The following ATP8B1 variants were observed in gnomAD, a reference collection of about 807,000 sequenced individuals.
ATP8B1 encodes the protein ATPase phospholipid transporting 8B1.
In ATP8B1, 80 loss-of-function variants were observed where a neutral mutation model predicts 149.9. That is an observed-to-expected ratio of 0.53 (90% CI 0.45 to 0.64). The LOEUF is 0.64. Ranked by LOEUF, ATP8B1 falls within the 30% of genes least tolerant of loss-of-function variation. ATP8B1 has a pLI of 0.00. For missense variants in ATP8B1, 1,247 were observed against 1,552.6 expected (o/e 0.80, Z 3.31); for synonymous variants, 536 against 562.8 (o/e 0.95, Z 0.67).
chr18:57,709,992 CTTTTCT>C (rs1315691368), intron 2 of ATP8B1, among the ~76,000 whole-genome samples: 3 of 144,226 alleles, frequency 2.1e-5, no homozygotes, highest in Non-Finnish European at 3.0e-5. Flanking sequence ...TTTTTCTTTT[CTTTTCT>C]TTTTTTTTTT....
intron 1 of ATP8B1, among the ~76,000 whole-genome samples, chr18:57,753,949 G>GAAAAAAAAAAAAAAAAAAAAAA (rs1165856929): frequency 1.1e-5 from 1 of 93,092 alleles, no homozygotes; most frequent in Non-Finnish European, 1.9e-5. Flanking sequence ...AAAAAAAAAA[G>GAAAAAAAAAAAAAAAAAAAAAA]AAAGAAAGAA....
chr18:57,668,262 G>A, intron 19 of ATP8B1, 167 bp downstream of exon 19: 3 of 1,380,222 alleles, frequency 2.2e-6, no homozygotes, highest in South Asian at 1.3e-5. Flanking sequence ...GGATGCAGAA[G>A]AATGTGCTGG....
In ATP8B1 at chr18:57,784,013, A is replaced by G. The variant is rs1378944078; in HGVS notation, c.-26+18985T>C. Among the ~76,000 whole-genome samples the G allele has an allele frequency of 6.6e-6, 1 of 152,130 alleles. No homozygotes were observed. The highest frequency in any genetic ancestry group is 1.5e-5 in the Non-Finnish European group (1 of 68,020). ...GAAAAAGAAAGAGTGAGCAGAGGAC[A>G]TAACTCAGGAGGGACTCCTACTTTA... On this transcript the variant is annotated intron_variant, in intron 1 of 27. Coordinates refer to ENST00000648908, the MANE Select transcript of ATP8B1 (RefSeq NM_001374385.1). The surrounding 1 kb of genome is among the most constrained non-coding windows in gnomAD (Gnocchi z 4.4).
At chr18:57,763,957 T>A (rs2080181733) in intron 1 of ATP8B1, among the ~76,000 whole-genome samples, 1 of 152,228 alleles carries the variant, frequency 6.6e-6, no homozygotes, top group Non-Finnish European at 1.5e-5. Context: ...TGTTCATGTT[T>A]CACATGCTTC....
At chr18:57,703,534 C>T (rs1913231175) in intron 4 of ATP8B1, among the ~76,000 whole-genome samples, 1 of 150,554 alleles carries the variant, frequency 6.6e-6, no homozygotes, top group Admixed American at 6.7e-5. Flanking sequence ...CAAGATGGTG[C>T]CACTGCACTC....
rs754912569 is a variant in ATP8B1, at chr18:57,648,548, C to T, written c.3696G>A (p.Ser1232=). 36 of 1,611,456 alleles carry T rather than the reference C, an allele frequency of 2.2e-5. No homozygotes were observed. Among genetic ancestry groups the T allele is most frequent in the Middle Eastern group, 2.2e-4 (1 of 4,458 alleles). Residue 1232 remains serine, a synonymous_variant, in exon 28 of 28, where the codon TCG becomes TCA. Transcript: ENST00000648908. ...CATCCGCCACGATGGCATCAAGCGG[C>T]GAGCGCTTCTTGCGGATGCTGCGCC... ...SSGRSIRKKR[S]PLDAIVADGT... is the part of the protein sequence containing the mutation.
intron 1 of ATP8B1, among the ~76,000 whole-genome samples, chr18:57,772,106 T>C (rs767955024): frequency 1.3e-5 from 2 of 152,254 alleles, no homozygotes; most frequent in Admixed American, 6.5e-5. Context: ...TGTAATTTTG[T>C]TACCTATCAG....
chr18:57,793,338 A>G (rs915528528), intron 1 of ATP8B1, among the ~76,000 whole-genome samples: 1 of 151,918 alleles, frequency 6.6e-6, no homozygotes, highest in African/African-American at 2.4e-5. Context: ...CAAGAATCTG[A>G]CATCTCAGCC....
At chr18:57,775,789 C>T (rs2123393482) in intron 1 of ATP8B1, among the ~76,000 whole-genome samples, 1 of 152,192 alleles carries the variant, frequency 6.6e-6, no homozygotes, top group Admixed American at 6.5e-5. Context: ...AGATTACAGA[C>T]ATGTGCCACC....
chr18:57,697,746 G>C (rs1912895690), intron 7 of ATP8B1, 49 bp downstream of exon 7: 1 of 1,612,622 alleles, frequency 6.2e-7, no homozygotes, highest in Non-Finnish European at 8.5e-7. Flanking sequence ...GCCGAGCACA[G>C]GGGCTGGGGG....
intron 2 of ATP8B1, among the ~76,000 whole-genome samples, chr18:57,715,383 T>G (rs187416950): frequency 1.6e-4 from 25 of 152,068 alleles, no homozygotes; most frequent in Middle Eastern, 6.8e-3. Context: ...AAAATAGACT[T>G]AAAAAAGCAA....
chr18:57,794,485 A>C (rs1002821508), intron 1 of ATP8B1, among the ~76,000 whole-genome samples: 2 of 134,778 alleles, frequency 1.5e-5, no homozygotes, highest in Non-Finnish European at 3.2e-5. Flanking sequence ...AAAAAAAAAA[A>C]GTCAATTCTA....
intron 8 of ATP8B1, among the ~76,000 whole-genome samples, chr18:57,696,323 G>A (rs1294907977): frequency 6.6e-6 from 1 of 152,202 alleles, no homozygotes; most frequent in East Asian, 1.9e-4. Flanking sequence ...GGAGGCAGAG[G>A]CAGGCAGATC....
At position 57,648,614 on chromosome 18, in the gene ATP8B1, G is replaced by A; in HGVS notation, c.3630C>T (p.Ala1210=). The A allele has an allele frequency of 6.2e-7, 1 of 1,609,912 alleles. No homozygotes were observed. Among genetic ancestry groups the A allele is most frequent in the East Asian group, 2.2e-5 (1 of 44,810 alleles). ...RGVSTRRSAY[A]FSHQRGYADL... is the part of the protein sequence containing the mutation. ...CCGCGTAGCCCCGCTGGTGCGAGAA[G>A]GCGTAGGCCGAGCGCCGCGTTGACA... is the stretch of plus-strand genomic sequence containing the variant. The change falls in exon 28 of 28, where the codon GCC becomes GCT. Residue 1210 remains alanine (A), a synonymous_variant. Transcript: ENST00000648908.
intron 2 of ATP8B1, 21 bp downstream of exon 2, chr18:57,731,605 CA>C (rs1253256338): frequency 2.5e-6 from 4 of 1,613,324 alleles, no homozygotes; most frequent in Non-Finnish European, 2.5e-6. Context: ...GCGACCTAGT[CA>C]CCGGGACTTC....
intron 13 of ATP8B1, 92 bp downstream of exon 13, chr18:57,688,207 C>T: frequency 7.2e-7 from 1 of 1,382,234 alleles, no homozygotes; most frequent in Non-Finnish European, 1.0e-6. Context: ...AGGGCACCAG[C>T]AATGCCAGGA....
chr18:57,748,545 T>C (rs1485681973), intron 1 of ATP8B1, among the ~76,000 whole-genome samples: 1 of 152,192 alleles, frequency 6.6e-6, no homozygotes, highest in Non-Finnish European at 1.5e-5. Context: ...AGCTAACTAA[T>C]ATATGGCTTG....
chr18:57,787,686 T>A (rs539493713), intron 1 of ATP8B1, among the ~76,000 whole-genome samples: 91 of 152,368 alleles, frequency 6.0e-4, no homozygotes, highest in Non-Finnish European at 9.7e-4. Context: ...GATTTTCAGT[T>A]TTTAAAAAGT....
intron 1 of ATP8B1, among the ~76,000 whole-genome samples, chr18:57,765,467 A>C (rs2080201994): frequency 6.6e-6 from 1 of 152,140 alleles, no homozygotes; most frequent in Admixed American, 6.6e-5. Flanking sequence ...CAGGAGTTCG[A>C]GACCAGCCTG....
Sources: gnomAD v4.1 joint callset for allele counts (sites outside exome capture counted in the v4.1 genomes callset) on GRCh38, gnomAD v4.1.1 for gene constraint, Gnocchi (gnomAD v3.1) non-coding constraint, MANE v1.5 for transcripts, NCBI Gene and HGNC (gene_info 2026-07-23, HGNC 2026-07-21) for gene names.